ARSG: variants seen among roughly 807,000 people sequenced by gnomAD.
ARSG encodes the protein arylsulfatase G, also known as ASG.
In ARSG, 37 loss-of-function variants were observed where a neutral mutation model predicts 50.5. The observed-to-expected ratio is 0.73, with a 90% CI of 0.56 to 0.96. The LOEUF (loss-of-function observed/expected upper bound fraction) is 0.96, where lower values mean the gene tolerates loss of function less well. Among genes scored for constraint, ARSG ranks in the 50% least tolerant of loss-of-function variants. The probability of loss-of-function intolerance (pLI) is 0.00; values close to 1 mark genes in which losing one functional copy is unlikely to be tolerated. For missense variants in ARSG, 629 were observed against 675.3 expected (o/e 0.93, Z 0.76); for synonymous variants, 225 against 254.6 (o/e 0.88, Z 1.11).
At chr17:68,281,938 T>C (rs1030797370) in intron 1 of ARSG, among the ~76,000 whole-genome samples, 20 of 152,190 alleles carry the variant, frequency 1.3e-4, no homozygotes, top group Non-Finnish European at 2.9e-4. Context: ...TGGAAGACAG[T>C]GTGGCAATTC....
the ARSG span, among the ~76,000 whole-genome samples, chr17:68,449,628 T>G: frequency 6.6e-6 from 1 of 152,180 alleles, no homozygotes; most frequent in Non-Finnish European, 1.5e-5. Context: ...CCCACCCGTC[T>G]CTTGGTCCTG....
chr17:68,359,939 T>C (rs937364316), intron 6 of ARSG, among the ~76,000 whole-genome samples: 1 of 152,192 alleles, frequency 6.6e-6, no homozygotes, highest in Non-Finnish European at 1.5e-5. Context: ...CCTGGAACTT[T>C]GGGATGGTTT....
the ARSG span, among the ~76,000 whole-genome samples, chr17:68,430,437 T>C: frequency 6.6e-6 from 1 of 152,222 alleles, no homozygotes; most frequent in African/African-American, 2.4e-5. Flanking sequence ...GCTTATCTGA[T>C]GACTAGTCTG....
intron 11 of ARSG, among the ~76,000 whole-genome samples, chr17:68,416,212 G>A (rs1052831847): frequency 6.6e-5 from 10 of 152,182 alleles, no homozygotes; most frequent in African/African-American, 1.9e-4. Context: ...AGCAGTTCTT[G>A]TAGTGGTGAC....
intron 1 of ARSG, among the ~76,000 whole-genome samples, chr17:68,292,040 A>G (rs1473696806): frequency 6.6e-6 from 1 of 151,318 alleles, no homozygotes; most frequent in Non-Finnish European, 1.5e-5. Context: ...CAACTCGCGC[A>G]CCCCCACAGT....
Position 68,385,118 on chromosome 17 carries a change from T to C in ARSG, c.1037T>C (p.Leu346Pro). ...GAAGGAGGGCACCGGGTCCCAGCAC[T>C]GGCTTACTGGCCTGGCAGAGTTCCA... The part of the protein sequence containing the change: ...TWEGGHRVPA[L>P]AYWPGRVPVN... The change falls in exon 9 of 12, where the codon CTG (leucine) becomes CCG (proline). Residue 346 changes from leucine (L) to proline (P), a missense_variant. Leu to Pro is a moderately conservative substitution (Grantham distance 98). Coordinates refer to ENST00000621439, the MANE Select transcript of ARSG (RefSeq NM_001267727.2). 6.2e-7 allele frequency: 1 copy of C among 1,614,070 alleles called. No homozygotes were observed. Among genetic ancestry groups the C allele is most frequent in the East Asian group, 2.2e-5 (1 of 44,864 alleles).
chr17:68,336,219 C>G (rs2078012965), intron 2 of ARSG, among the ~76,000 whole-genome samples: 1 of 148,464 alleles, frequency 6.7e-6, no homozygotes, highest in South Asian at 2.2e-4. Flanking sequence ...TCTTTTCTTT[C>G]TTTTTTTTTA....
chr17:68,335,234 A>T (rs1483853950), intron 2 of ARSG, among the ~76,000 whole-genome samples: 1 of 152,054 alleles, frequency 6.6e-6, no homozygotes, highest in Non-Finnish European at 1.5e-5. Flanking sequence ...CCTGGACTCA[A>T]GCAATTATCA....
At chr17:68,388,794 G>T (rs909818129) in intron 9 of ARSG, among the ~76,000 whole-genome samples, 1 of 151,850 alleles carries the variant, frequency 6.6e-6, no homozygotes, top group Non-Finnish European at 1.5e-5. Context: ...GCGTGGTGGC[G>T]CGTGCCTGTA....
chr17:68,395,958 A>G (rs1219984955), intron 10 of ARSG, among the ~76,000 whole-genome samples: 2 of 151,962 alleles, frequency 1.3e-5, no homozygotes, highest in African/African-American at 4.8e-5. Flanking sequence ...CTTACATCCA[A>G]CATTCTCCCA....
the ARSG span, among the ~76,000 whole-genome samples, chr17:68,446,755 G>C: frequency 6.6e-6 from 1 of 152,178 alleles, no homozygotes; most frequent in Non-Finnish European, 1.5e-5. Flanking sequence ...CTTGACATAT[G>C]CCTCTCCTAG....
chr17:68,335,922 G>A (rs992436787), intron 2 of ARSG, among the ~76,000 whole-genome samples: 2 of 152,084 alleles, frequency 1.3e-5, no homozygotes, highest in African/African-American at 4.8e-5. Context: ...TTTTTGAGAT[G>A]GAGTCTCACT....
rs879965781 is a variant in ARSG at position 68,272,985 on chromosome 17, C to CT, written c.-552+13572dup. Among the ~76,000 whole-genome samples, 257 of 144,584 alleles carry CT rather than the reference C, an allele frequency of 1.8e-3. 1 individual carries two copies. Among genetic ancestry groups the CT allele is most frequent in the East Asian group, 0.011 (57 of 4,986 alleles). 94.9% of individuals were successfully genotyped at this position (144,584 alleles called of 152,430 possible). On this transcript the variant is annotated intron_variant, in intron 1 of 11. Coordinates refer to the ARSG transcript ENST00000448504. ...GTTGTTTGGGATACTAAAAATATAACTTTTTTTTTTTTTATCTTTGCAACA... is the reference window on the plus strand; with the variant it reads ...GTTGTTTGGGATACTAAAAATATAACTTTTTTTTTTTTTTATCTTTGCAACA...
intron 9 of ARSG, among the ~76,000 whole-genome samples, chr17:68,387,780 G>T (rs2080798397): frequency 6.6e-6 from 1 of 152,144 alleles, no homozygotes; most frequent in African/African-American, 2.4e-5. Context: ...GCCACTAAGA[G>T]CTAAAGCCAG....
At chr17:68,428,972 C>T in the ARSG span, 76 of 1,502,360 alleles carry the variant, frequency 5.1e-5, no homozygotes, top group South Asian at 6.3e-4. Flanking sequence ...GTGATGACAA[C>T]GAAGATGGGC....
chr17:68,433,779 T>TGTTTTG, the ARSG span, among the ~76,000 whole-genome samples: 1 of 70,520 alleles, frequency 1.4e-5, no homozygotes, highest in African/African-American at 4.4e-5. Flanking sequence ...TTTTTTTTTT[T>TGTTTTG]TTTTTTTTTT....
At chr17:68,312,256 G>A (rs538664646) in intron 2 of ARSG, among the ~76,000 whole-genome samples, 15 of 152,258 alleles carry the variant, frequency 9.9e-5, no homozygotes, top group African/African-American at 2.4e-4. Flanking sequence ...TGCTTGGTAC[G>A]TAGTGGGCAA....
rs139723917 is a variant in ARSG at position 68,317,110 on chromosome 17, G to A, written c.218+9399G>A. Reference sequence around the variant, plus strand: ...TTTTTGCACAGAAAGGGCACCATCCGTACCACAATTATGATGTCGTTATTT... The same window carrying A: ...TTTTTGCACAGAAAGGGCACCATCCATACCACAATTATGATGTCGTTATTT... On this transcript the variant is annotated intron_variant, in intron 2 of 11. Transcript: ENST00000621439. Among the ~76,000 whole-genome samples the A allele has an allele frequency of 1.1e-3, 169 of 152,218 alleles. 4 individuals are homozygous for A. In the South Asian group the frequency reaches 0.03, roughly 27 times the overall value.
intron 1 of ARSG, chr17:68,268,901 C>CAAA (rs879950263): frequency 3.5e-5 from 35 of 1,006,520 alleles, no homozygotes; most frequent in Non-Finnish European, 4.3e-5. Context: ...TAAAAACAAG[C>CAAA]AAAAAAAAAA....
Sources: allele counts gnomAD v4.1 joint callset (sites outside exome capture counted in the v4.1 genomes callset), GRCh38; gene constraint gnomAD v4.1.1; transcripts MANE v1.5; gene names NCBI Gene and HGNC (gene_info 2026-07-23, HGNC 2026-07-21).